Variants in GOLM2 observed in about 807,000 individuals in gnomAD.
The protein encoded by GOLM2 is golgi membrane protein 2.
In GOLM2, 26 loss-of-function variants were observed where a neutral mutation model predicts 55.9. The observed-to-expected ratio is 0.47, with a 90% CI of 0.34 to 0.65. The LOEUF (loss-of-function observed/expected upper bound fraction) is 0.65. GOLM2 is among the 30% of genes least tolerant of loss of function. GOLM2 has a pLI of 0.01. For synonymous variants in GOLM2, 165 were observed against 194.6 expected (o/e 0.85, Z 1.27); for missense variants, 486 against 531.8 (o/e 0.91, Z 0.85).
intron 6 of GOLM2, among the ~76,000 whole-genome samples, chr15:44,360,368 C>T (rs1353208458): frequency 6.6e-6 from 1 of 151,970 alleles, no homozygotes; most frequent in African/African-American, 2.4e-5. Context: ...ATCTACCAAG[C>T]AAATGGAAAA....
chr15:44,292,799 GT>G (rs1344280465), intron 1 of GOLM2, among the ~76,000 whole-genome samples: 2 of 151,698 alleles, frequency 1.3e-5, no homozygotes, highest in South Asian at 2.1e-4. Context: ...GTTTTTCAGG[GT>G]TTTTTTTATT....
intron 6 of GOLM2, among the ~76,000 whole-genome samples, chr15:44,359,847 G>T (rs956425104): frequency 1.3e-5 from 2 of 152,300 alleles, no homozygotes; most frequent in South Asian, 2.1e-4. Flanking sequence ...GACTAACAGC[G>T]GATCTCTCGG....
At chr15:44,345,130 A>G (rs1004964608) in intron 6 of GOLM2, among the ~76,000 whole-genome samples, 4 of 148,394 alleles carry the variant, frequency 2.7e-5, no homozygotes, top group Non-Finnish European at 6.0e-5. Context: ...ATTTTTTGAG[A>G]TGGAGTTTCG....
intron 6 of GOLM2, among the ~76,000 whole-genome samples, chr15:44,364,938 G>A (rs1223116289): frequency 6.6e-6 from 1 of 152,204 alleles, no homozygotes; most frequent in African/African-American, 2.4e-5. Context: ...TGTTGCTGGT[G>A]AGAATGCAAA....
chr15:44,388,904 C>T (rs2079467993), intron 8 of GOLM2, among the ~76,000 whole-genome samples: 1 of 152,050 alleles, frequency 6.6e-6, no homozygotes, highest in Non-Finnish European at 1.5e-5. Flanking sequence ...CAAGCTCCGC[C>T]TCCCGGGTTC....
chr15:44,406,880 T>A (rs1453606345), intron 9 of GOLM2: 3 of 152,034 alleles, frequency 2.0e-5, no homozygotes, highest in Non-Finnish European at 4.4e-5. Context: ...TATTATGAAT[T>A]GAGGCTTTGG....
At chr15:44,362,060 A>G (rs1372762447) in intron 6 of GOLM2, among the ~76,000 whole-genome samples, 1 of 152,092 alleles carries the variant, frequency 6.6e-6, no homozygotes, top group Non-Finnish European at 1.5e-5. Flanking sequence ...AATAAGAGCT[A>G]TCTATGACAA....
chr15:44,356,662 T>A (rs1303299333), intron 6 of GOLM2, among the ~76,000 whole-genome samples: 1 of 152,232 alleles, frequency 6.6e-6, no homozygotes, highest in South Asian at 2.1e-4. Flanking sequence ...ACCCCTTATC[T>A]ACAGTCTCTT....
chr15:44,301,067 A>G (rs1484913543), intron 1 of GOLM2, among the ~76,000 whole-genome samples: 1 of 152,140 alleles, frequency 6.6e-6, no homozygotes, highest in Non-Finnish European at 1.5e-5. Context: ...CTTTCCTTTT[A>G]CAATTTCAAT....
At chr15:44,405,140 C>T (rs1348474006) in intron 9 of GOLM2, among the ~76,000 whole-genome samples, 1 of 152,118 alleles carries the variant, frequency 6.6e-6, no homozygotes, top group Non-Finnish European at 1.5e-5. Flanking sequence ...TCTTCCTCCC[C>T]TGGTTCTTAC....
chr15:44,365,289 G>T (rs1259706963), intron 6 of GOLM2, among the ~76,000 whole-genome samples: 1 of 152,126 alleles, frequency 6.6e-6, no homozygotes, highest in Non-Finnish European at 1.5e-5. Context: ...CACATTGGGA[G>T]GCCAAAGTTG....
In GOLM2 at chr15:44,338,795, A is replaced by AT. The variant is rs1206122766; in HGVS notation, c.802+486dup. On this transcript the variant is annotated intron_variant, in intron 6 of 9. Coordinates refer to ENST00000299957, the MANE Select transcript of GOLM2 (RefSeq NM_138423.4). ...CACACTTTTGGATAGTTTGTTTAACATTTTTTTTCTTCTTTTCTGGCCACT... is the reference window on the plus strand; with the variant it reads ...CACACTTTTGGATAGTTTGTTTAACATTTTTTTTTCTTCTTTTCTGGCCACT... 4.6e-5 allele frequency among the ~76,000 whole-genome samples: 7 copies of AT among 151,488 alleles called. No homozygotes were observed. In the East Asian group the frequency reaches 5.8e-4, roughly 13 times the overall value.
At chr15:44,291,575 T>G (rs1275904092) in intron 1 of GOLM2, among the ~76,000 whole-genome samples, 1 of 152,238 alleles carries the variant, frequency 6.6e-6, no homozygotes, top group Non-Finnish European at 1.5e-5. Flanking sequence ...CCAAAGAATA[T>G]TTTTATTCTT....
intron 8 of GOLM2, chr15:44,382,064 G>A (rs1295910308): frequency 6.6e-6 from 1 of 151,404 alleles, no homozygotes; most frequent in Non-Finnish European, 1.5e-5. Context: ...CTTTTTTTCT[G>A]TTTTCTTCAA....
At chr15:44,347,855 C>T (rs866155997) in intron 6 of GOLM2, among the ~76,000 whole-genome samples, 1 of 152,146 alleles carries the variant, frequency 6.6e-6, no homozygotes, top group Non-Finnish European at 1.5e-5. Flanking sequence ...CATTTTGCAA[C>T]TTGAATACCA....
rs1179854099 is a variant in GOLM2, at chr15:44,332,078, G to A, written c.576G>A (p.Lys192=). 1 of 1,485,280 alleles carries A rather than the reference G, an allele frequency of 6.7e-7. No individual in the cohort carries two copies. The highest frequency in any genetic ancestry group is 9.2e-7 in the Non-Finnish European group (1 of 1,081,402). The allele number at this position is 1,485,280 out of a possible 1,614,324, so 92.0% of individuals were successfully genotyped here. ...CAGACCAGTTTTTAGAGGAACAAAA[G>A]GTAAATTTTAAAAATATACTTAAAT... The part of the protein sequence containing the change: ...KLADQFLEEQ[K]QETQKIQSND... Residue 192 remains lysine (K), a splice_region_variant and synonymous_variant, in exon 4 of 10, where the codon AAG becomes AAA. Transcript: ENST00000299957.
At chr15:44,344,527 G>A (rs920300701) in intron 6 of GOLM2, among the ~76,000 whole-genome samples, 2 of 151,788 alleles carry the variant, frequency 1.3e-5, no homozygotes, top group South Asian at 2.1e-4. Context: ...TTAGATAACT[G>A]TAATGTTAGG....
At chr15:44,396,571 A>G (rs928468874) in intron 8 of GOLM2, among the ~76,000 whole-genome samples, 3 of 151,992 alleles carry the variant, frequency 2.0e-5, no homozygotes, top group Non-Finnish European at 2.9e-5. Context: ...TTTCTCTACT[A>G]GTTTCTGAAG....
At chr15:44,398,676 TTTTTTG>T (rs2079543359) in intron 8 of GOLM2, among the ~76,000 whole-genome samples, 1 of 146,708 alleles carries the variant, frequency 6.8e-6, no homozygotes, top group African/African-American at 2.5e-5. Flanking sequence ...TTTTTTTTTT[TTTTTTG>T]AGACAAGAGT....
Sources: gnomAD v4.1 joint callset for allele counts (sites outside exome capture counted in the v4.1 genomes callset) on GRCh38, gnomAD v4.1.1 for gene constraint, MANE v1.5 for transcripts, NCBI Gene and HGNC (gene_info 2026-07-23, HGNC 2026-07-21) for gene names.